ATXN1: variants seen among roughly 807,000 people sequenced by gnomAD.
The protein encoded by ATXN1 is ataxin 1, also known as ataxin-1.
ATXN1 carries 8 observed loss-of-function variants against 56.4 expected under a neutral mutation model. That is an observed-to-expected ratio of 0.14 (90% CI 0.08 to 0.26). ATXN1 has a LOEUF of 0.26. ATXN1 is among the 10% of genes least tolerant of loss of function. The probability of loss-of-function intolerance (pLI) is 1.00; values close to 1 mark genes in which losing one functional copy is unlikely to be tolerated. For missense variants in ATXN1, 987 were observed against 1,106.5 expected, an observed-to-expected ratio of 0.89 and a Z score of 1.53; for synonymous variants, 514 against 494.6, an observed-to-expected ratio of 1.04 and a Z score of -0.52.
chr6:16,619,076 A>C (rs1353311652), intron 3 of ATXN1, among the ~76,000 whole-genome samples: 1 of 152,200 alleles, frequency 6.6e-6, no homozygotes, highest in Non-Finnish European at 1.5e-5. Context: ...AAGCAAATTA[A>C]AACAAGATAT....
At chr6:16,598,441 G>C (rs1391000701) in intron 3 of ATXN1, among the ~76,000 whole-genome samples, 4 of 152,198 alleles carry the variant, frequency 2.6e-5, no homozygotes, top group Admixed American at 2.0e-4. Context: ...TCAAAGCCGA[G>C]TATTGATCCT....
intron 4 of ATXN1, among the ~76,000 whole-genome samples, chr6:16,549,056 A>G (rs749043092): frequency 3.9e-5 from 6 of 152,170 alleles, no homozygotes; most frequent in Non-Finnish European, 7.4e-5. Context: ...AGAGGTCTTC[A>G]GGGCAATAAC....
intron 3 of ATXN1, among the ~76,000 whole-genome samples, chr6:16,652,616 G>A (rs1245401050): frequency 6.6e-6 from 1 of 152,178 alleles, no homozygotes; most frequent in African/African-American, 2.4e-5. Flanking sequence ...AAGGCTCAAA[G>A]TCAATTATGC....
intron 6 of ATXN1, among the ~76,000 whole-genome samples, chr6:16,389,882 C>G (rs1758317703): frequency 6.8e-6 from 1 of 148,142 alleles, no homozygotes; most frequent in Non-Finnish European, 1.5e-5. Context: ...ACATGACTAG[C>G]CCAGGATCAG....
rs898705396 is a variant in ATXN1, at chr6:16,311,874, G to C, written c.1918-5015C>G. On this transcript the variant is annotated intron_variant, in intron 7 of 7. Transcript: ENST00000436367. Reference sequence around the variant, plus strand: ...CGTAAGACTCTCTACCAGAGTTGCGGTTTGCTTATTCTTGCCCAACACCAG... The same window carrying C: ...CGTAAGACTCTCTACCAGAGTTGCGCTTTGCTTATTCTTGCCCAACACCAG... Among the ~76,000 whole-genome samples, 7 of 152,214 alleles carry C rather than the reference G, an allele frequency of 4.6e-5. No individual in the cohort carries two copies. The East Asian group carries it at 5.8e-4, about 13-fold the overall frequency.
At chr6:16,432,621 G>A (rs1351392355) in intron 6 of ATXN1, 1 of 152,170 alleles carries the variant, frequency 6.6e-6, no homozygotes, top group African/African-American at 2.4e-5. Context: ...TTTGGAAGAT[G>A]CGGAGGCCTC....
chr6:16,655,655 T>A (rs532365309), intron 3 of ATXN1, among the ~76,000 whole-genome samples: 13 of 151,980 alleles, frequency 8.6e-5, no homozygotes, highest in African/African-American at 3.1e-4. Context: ...ACCACTGCAG[T>A]CCAGCCTGGG....
intron 3 of ATXN1, among the ~76,000 whole-genome samples, chr6:16,623,722 C>T (rs1259926005): frequency 2.0e-5 from 3 of 152,142 alleles, no homozygotes; most frequent in Non-Finnish European, 2.9e-5. Flanking sequence ...ATTTTTATAA[C>T]GGGACTTGCC....
intron 3 of ATXN1, among the ~76,000 whole-genome samples, chr6:16,612,847 C>A (rs1399768025): frequency 6.8e-6 from 1 of 146,776 alleles, no homozygotes; most frequent in African/African-American, 2.5e-5. Flanking sequence ...GCCGAGAGTG[C>A]ACCACTGCAC....
At chr6:16,694,264 TTTTTA>T (rs1416195969) in intron 2 of ATXN1, among the ~76,000 whole-genome samples, 1 of 149,462 alleles carries the variant, frequency 6.7e-6, no homozygotes, top group Non-Finnish European at 1.5e-5. Flanking sequence ...TTTTTTTTTT[TTTTTA>T]AGAGACGGAG....
intron 6 of ATXN1, among the ~76,000 whole-genome samples, chr6:16,446,499 G>A (rs1447548940): frequency 6.6e-6 from 1 of 152,162 alleles, no homozygotes; most frequent in Non-Finnish European, 1.5e-5. Flanking sequence ...ATTGAAAGCT[G>A]CCCAACCCCA....
chr6:16,450,378 T>C (rs742568), intron 6 of ATXN1, among the ~76,000 whole-genome samples: 44,770 of 152,164 alleles, frequency 0.29, 7,155 homozygotes, highest in Middle Eastern at 0.36. Context: ...TTTACACACA[T>C]GCATGGTTCT....
intron 6 of ATXN1, among the ~76,000 whole-genome samples, chr6:16,366,246 C>T (rs955543824): frequency 2.6e-5 from 4 of 152,172 alleles, no homozygotes; most frequent in African/African-American, 9.7e-5. Flanking sequence ...TTCCTGACCA[C>T]TTGTCCTCTT....
At position 16,406,454 on chromosome 6, in the gene ATXN1, C is replaced by T. The variant is rs1346578115; in HGVS notation, c.-160-77984G>A. Among the ~76,000 whole-genome samples the T allele has an allele frequency of 2.0e-5, 3 of 152,178 alleles. No individual in the cohort carries two copies. The East Asian group carries it at 5.8e-4, about 29-fold the overall frequency. ...CATAACTTTTGAGGGCATTACTAGA[C>T]ACCCTATTTCCTTAATGTAAAAAGT... On this transcript the variant is annotated intron_variant, in intron 6 of 7. Coordinates refer to ENST00000436367, the MANE Select transcript of ATXN1 (RefSeq NM_001128164.2).
intron 4 of ATXN1, among the ~76,000 whole-genome samples, chr6:16,534,378 G>A (rs1761559878): frequency 6.6e-6 from 1 of 151,256 alleles, no homozygotes; most frequent in African/African-American, 2.4e-5. Context: ...ATGTGTACCT[G>A]AAAAAGACTA....
chr6:16,721,967 T>C (rs1411300587), intron 2 of ATXN1, among the ~76,000 whole-genome samples: 3 of 152,202 alleles, frequency 2.0e-5, no homozygotes, highest in Admixed American at 6.5e-5. Context: ...TGGGACGTTC[T>C]GGAAAAGTTC....
At chr6:16,380,876 C>G (rs912707755) in intron 6 of ATXN1, among the ~76,000 whole-genome samples, 7 of 152,100 alleles carry the variant, frequency 4.6e-5, no homozygotes, top group African/African-American at 1.7e-4. Flanking sequence ...ACATCCTGAC[C>G]CCTAATACCT....
At chr6:16,391,806 T>A (rs1347379769) in intron 6 of ATXN1, among the ~76,000 whole-genome samples, 3 of 152,186 alleles carry the variant, frequency 2.0e-5, no homozygotes, top group Non-Finnish European at 4.4e-5. Flanking sequence ...TGTTGTGGAC[T>A]CCAGGCCTCT....
intron 3 of ATXN1, among the ~76,000 whole-genome samples, chr6:16,628,263 GTTTGT>G (rs954855770): frequency 6.6e-6 from 1 of 152,048 alleles, no homozygotes; most frequent in East Asian, 1.9e-4. Flanking sequence ...TGGTTTATTT[GTTTGT>G]TTTGTTTTGT....
Sources: gnomAD v4.1 joint callset for allele counts (sites outside exome capture counted in the v4.1 genomes callset) on GRCh38, gnomAD v4.1.1 for gene constraint, MANE v1.5 for transcripts, NCBI Gene and HGNC (gene_info 2026-07-23, HGNC 2026-07-21) for gene names.